CERS6: variants seen among roughly 807,000 people sequenced by gnomAD.
CERS6 encodes LAG1 homolog, ceramide synthase 6.
A neutral mutation model predicts 56.8 loss-of-function variants in CERS6; 26 were observed. The ratio of observed to expected loss-of-function variants is 0.46; its 90% CI spans 0.34 to 0.63. The LOEUF (loss-of-function observed/expected upper bound fraction) is 0.63, where lower values mean the gene tolerates loss of function less well. CERS6 is among the 30% of genes least tolerant of loss of function. CERS6 has a pLI of 0.01. For synonymous variants in CERS6, 164 were observed against 173.3 expected (o/e 0.95, Z 0.42); for missense variants, 415 against 467.5 (o/e 0.89, Z 1.04).
At chr2:168,661,424 T>C (rs931624493) in intron 4 of CERS6, among the ~76,000 whole-genome samples, 4 of 152,204 alleles carry the variant, frequency 2.6e-5, no homozygotes, top group East Asian at 1.9e-4. Flanking sequence ...TTGTGAGTTA[T>C]AGGCAATAAG....
At chr2:168,582,004 A>G (rs1683424982) in intron 3 of CERS6, among the ~76,000 whole-genome samples, 1 of 152,168 alleles carries the variant, frequency 6.6e-6, no homozygotes, top group Non-Finnish European at 1.5e-5. Flanking sequence ...CTAACTCCCC[A>G]TGACCGTAAC....
chr2:168,732,653 T>A (rs969814692), intron 8 of CERS6, among the ~76,000 whole-genome samples: 2 of 152,186 alleles, frequency 1.3e-5, no homozygotes, highest in African/African-American at 4.8e-5. Flanking sequence ...TGAACTCTCT[T>A]TCAGGCATAG....
chr2:168,684,373 C>G (rs1686293455), intron 4 of CERS6, among the ~76,000 whole-genome samples: 1 of 152,164 alleles, frequency 6.6e-6, no homozygotes. Flanking sequence ...GGAGTTTCTT[C>G]AAGCTGAGAG....
chr2:168,699,743 A>G (rs536605115), intron 6 of CERS6, among the ~76,000 whole-genome samples: 37 of 152,322 alleles, frequency 2.4e-4, no homozygotes, highest in Admixed American at 6.5e-4. Flanking sequence ...GAGAAATACT[A>G]TTAATCTTCC....
At chr2:168,462,313 A>G (rs1362255393) in intron 1 of CERS6, among the ~76,000 whole-genome samples, 1 of 151,368 alleles carries the variant, frequency 6.6e-6, no homozygotes, top group East Asian at 1.9e-4. Context: ...CCATTTTTTC[A>G]TTTCGTTTTT....
intron 4 of CERS6, among the ~76,000 whole-genome samples, chr2:168,634,008 G>A (rs1044225312): frequency 5.3e-5 from 8 of 152,094 alleles, no homozygotes; most frequent in African/African-American, 1.2e-4. Flanking sequence ...TGCACTGATC[G>A]GTTTTCTTCT....
At chr2:168,542,117 T>G (rs923665266) in intron 1 of CERS6, among the ~76,000 whole-genome samples, 1 of 152,132 alleles carries the variant, frequency 6.6e-6, no homozygotes, top group East Asian at 1.9e-4. Flanking sequence ...CAGGTAGTGT[T>G]TGTTTGTTTT....
chr2:168,456,518 C>T lies in CERS6; in HGVS notation c.70C>T (p.Leu24=), dbSNP rs745916771. 4 of 1,613,930 alleles carry T rather than the reference C, an allele frequency of 2.5e-6. No homozygotes were observed. In the East Asian group the frequency reaches 8.9e-5, roughly 36 times the overall value. ...WLPHNVTWAD[L]KNTEEATFPQ... ...CCCGCACAATGTCACCTGGGCGGAC[C>T]TGAAGAACACGGAGGAGGCCACCTT... Residue 24 remains leucine, a synonymous_variant, in exon 1 of 10, where the codon CTG becomes TTG. Transcript: ENST00000305747. The surrounding 1 kb of genome is among the most constrained non-coding windows in gnomAD (Gnocchi z 4.1).
intron 4 of CERS6, among the ~76,000 whole-genome samples, chr2:168,660,560 T>A (rs1244967274): frequency 6.6e-6 from 1 of 152,186 alleles, no homozygotes; most frequent in Non-Finnish European, 1.5e-5. Context: ...AGAAAAAATT[T>A]GTTCCAAATA....
rs1695801028 is a variant in CERS6, at chr2:168,562,132, T to C, written c.407+810T>C. Among the ~76,000 whole-genome samples the C allele has an allele frequency of 2.6e-5, 4 of 152,216 alleles. No individual in the cohort carries two copies. In the South Asian group the frequency reaches 8.3e-4, roughly 32 times the overall value. On this transcript the variant is annotated intron_variant, in intron 3 of 9. Transcript: ENST00000305747. ...CTTTCGGGAGCTGTTTCCTGACGTC[T>C]GGTCATTTAAACAGTAGTGCTTTCG...
intron 3 of CERS6, among the ~76,000 whole-genome samples, chr2:168,625,424 T>A (rs1390325787): frequency 1.3e-5 from 2 of 152,194 alleles, no homozygotes; most frequent in Non-Finnish European, 2.9e-5. Context: ...TTCGATCTAT[T>A]GTGGTGTAAA....
At chr2:168,606,538 A>G (rs1185968517) in intron 3 of CERS6, 2 of 152,194 alleles carry the variant, frequency 1.3e-5, no homozygotes, top group Non-Finnish European at 2.9e-5. Flanking sequence ...GGGAGAAGGA[A>G]TTAGCCTTGT....
chr2:168,553,624 G>T (rs1695616686), intron 2 of CERS6, among the ~76,000 whole-genome samples: 1 of 152,120 alleles, frequency 6.6e-6, no homozygotes, highest in African/African-American at 2.4e-5. Flanking sequence ...CATCATGTTA[G>T]ACATCTTTGA....
intron 1 of CERS6, among the ~76,000 whole-genome samples, chr2:168,517,212 C>A (rs1205963522): frequency 1.3e-5 from 2 of 151,636 alleles, no homozygotes; most frequent in Non-Finnish European, 2.9e-5. Context: ...CAAGCAGAGG[C>A]CGGGCACAGT....
At chr2:168,614,203 G>A (rs1311665647) in intron 3 of CERS6, among the ~76,000 whole-genome samples, 1 of 152,220 alleles carries the variant, frequency 6.6e-6, no homozygotes, top group Admixed American at 6.5e-5. Flanking sequence ...TTGGATGGGA[G>A]ATCCTTGACA....
chr2:168,597,986 G>A (rs1161939530), intron 3 of CERS6, among the ~76,000 whole-genome samples: 1 of 151,710 alleles, frequency 6.6e-6, no homozygotes, highest in Non-Finnish European at 1.5e-5. Flanking sequence ...ACTTTTTTTT[G>A]TCCTTTATCT....
At chr2:168,664,730 C>A (rs1248199544) in intron 4 of CERS6, among the ~76,000 whole-genome samples, 1 of 152,120 alleles carries the variant, frequency 6.6e-6, no homozygotes, top group Non-Finnish European at 1.5e-5. Flanking sequence ...ACCATTTTGG[C>A]TTTGGTGGGT....
intron 1 of CERS6, among the ~76,000 whole-genome samples, chr2:168,514,174 T>C (rs1694845738): frequency 6.6e-6 from 1 of 152,222 alleles, no homozygotes; most frequent in Non-Finnish European, 1.5e-5. Flanking sequence ...TAGTTACGAA[T>C]AGTCAGAGTC....
At position 168,771,637 on chromosome 2, in the gene CERS6, T is replaced by C. The variant is rs1684862272; in HGVS notation, c.*1975T>C. On this transcript the variant is annotated 3_prime_UTR_variant, in exon 10 of 10. Transcript: ENST00000305747. ...GCTGAAAATTTTGAGAAGGTAAAAG[T>C]TTCTTAATTAAAATATGAACATATT... The C allele has an allele frequency of 6.6e-6, 1 of 152,174 alleles. No individual in the cohort carries two copies. The highest frequency in any genetic ancestry group is 1.5e-5 in the Non-Finnish European group (1 of 68,024). The allele number at this position is 152,174 out of a possible 1,614,324, so 9.4% of individuals were successfully genotyped here.
Sources: gnomAD v4.1 joint callset for allele counts (sites outside exome capture counted in the v4.1 genomes callset) on GRCh38, gnomAD v4.1.1 for gene constraint, Gnocchi (gnomAD v3.1) non-coding constraint, MANE v1.5 for transcripts, NCBI Gene and HGNC (gene_info 2026-07-23, HGNC 2026-07-21) for gene names.